Variants in EFCAB10 observed in about 807,000 individuals in gnomAD.
The protein encoded by EFCAB10 is EF-hand calcium-binding domain-containing protein 10.
In EFCAB10, 7 loss-of-function variants were observed where a neutral mutation model predicts 7.7. The ratio of observed to expected loss-of-function variants is 0.91; its 90% CI spans 0.52 to 1.72. The LOEUF (loss-of-function observed/expected upper bound fraction) is 1.72, where lower values mean the gene tolerates loss of function less well. Ranked by LOEUF, EFCAB10 falls within the 40% of genes most tolerant of loss-of-function variation. EFCAB10 has a pLI of 0.00. For synonymous variants in EFCAB10, 52 were observed against 21.0 expected (o/e 2.47, Z -4.03); for missense variants, 112 against 61.5 (o/e 1.82, Z -2.74).
At chr7:105,572,690 T>C (rs1791980406) in intron 1 of EFCAB10, 1 of 152,236 alleles carries the variant, frequency 6.6e-6, no homozygotes, top group Non-Finnish European at 1.5e-5. Context: ...ACTTGAAATC[T>C]TTCATCTTTT....
chr7:105,574,626 A>C (rs1792030442), intron 1 of EFCAB10, among the ~76,000 whole-genome samples: 1 of 151,884 alleles, frequency 6.6e-6, no homozygotes, highest in Admixed American at 6.6e-5. Flanking sequence ...CTGGGATTAC[A>C]GGCGCCCGCC....
At chr7:105,571,702 A>G (rs1791952747) in intron 1 of EFCAB10, 1 of 152,230 alleles carries the variant, frequency 6.6e-6, no homozygotes, top group African/African-American at 2.4e-5. Flanking sequence ...GTCCTTCTCT[A>G]CCACCACAAT....
chr7:105,575,403 G>A (rs577738935), intron 1 of EFCAB10, among the ~76,000 whole-genome samples: 39 of 152,180 alleles, frequency 2.6e-4, no homozygotes, highest in Admixed American at 1.7e-3. Flanking sequence ...TTGCCTCCCA[G>A]GTTCAACTGA....
rs1220266082 is a variant in EFCAB10 at position 105,565,342 on chromosome 7, T to G, written c.*105A>C. The G allele has an allele frequency of 1.9e-6, 3 of 1,614,230 alleles. No individual in the cohort carries two copies. On this transcript the variant is annotated 3_prime_UTR_variant, in exon 5 of 5. Coordinates refer to ENST00000480514, the MANE Select transcript of EFCAB10 (RefSeq NM_001355526.2). ...TCCCTGTCCAGTTCGGCTTGCCCGT[T>G]GCTGCTGACGTTACGAGACCATTTA...
intron 1 of EFCAB10, among the ~76,000 whole-genome samples, chr7:105,576,040 CA>C (rs1792069669): frequency 6.6e-6 from 1 of 151,740 alleles, no homozygotes; most frequent in African/African-American, 2.4e-5. Context: ...TCCGTCTCAA[CA>C]AAAAAAGAAA....
At chr7:105,567,729 C>T in intron 3 of EFCAB10, 1 of 454,916 alleles carries the variant, frequency 2.2e-6, no homozygotes, top group Non-Finnish European at 3.9e-6. Flanking sequence ...TGGGAATTAA[C>T]TGTATTTCCA....
chr7:105,567,659 TA>T, intron 3 of EFCAB10, 169 bp from the exon 4 acceptor site: 2 of 520,692 alleles, frequency 3.8e-6, no homozygotes, highest in East Asian at 6.0e-5. Context: ...ACATAGCCAA[TA>T]AATTTTTTTA....
intron 1 of EFCAB10, among the ~76,000 whole-genome samples, chr7:105,575,257 T>G (rs1792049556): frequency 6.6e-6 from 1 of 152,122 alleles, no homozygotes; most frequent in Non-Finnish European, 1.5e-5. Flanking sequence ...AAGATGAGAT[T>G]TGGGCGGGGA....
At chr7:105,576,011 T>G (rs1792068780) in intron 1 of EFCAB10, among the ~76,000 whole-genome samples, 1 of 152,136 alleles carries the variant, frequency 6.6e-6, no homozygotes, top group South Asian at 2.1e-4. Flanking sequence ...CACTCCAGCC[T>G]GGGCAACAAG....
chr7:105,566,840 A>G (rs938529415), intron 4 of EFCAB10: 4 of 202,542 alleles, frequency 2.0e-5, no homozygotes, highest in African/African-American at 9.2e-5. Flanking sequence ...AGTTATAGCT[A>G]TATTTAATAT....
chr7:105,574,124 GTA>G (rs4006347), intron 1 of EFCAB10, among the ~76,000 whole-genome samples: 3,680 of 148,062 alleles, frequency 0.025, 109 homozygotes, highest in African/African-American at 0.072. Context: ...CAATGTGTGT[GTA>G]TATATATATA....
At chr7:105,568,458 G>A (rs1210870303) in intron 3 of EFCAB10, among the ~76,000 whole-genome samples, 1 of 152,176 alleles carries the variant, frequency 6.6e-6, no homozygotes, top group African/African-American at 2.4e-5. Context: ...AGACTAACAT[G>A]CAGCCTATGC....
intron 3 of EFCAB10, 110 bp downstream of exon 3, chr7:105,569,093 A>C: frequency 1.5e-6 from 1 of 652,516 alleles, no homozygotes; most frequent in South Asian, 1.7e-5. Flanking sequence ...GAAAGTTTCA[A>C]GGGAACAAAA....
chr7:105,567,188 G>T, intron 4 of EFCAB10: 1 of 1,611,730 alleles, frequency 6.2e-7, no homozygotes, highest in Non-Finnish European at 8.5e-7. Flanking sequence ...ATGTACTGCA[G>T]TCAGCTTCAG....
At chr7:105,572,019 A>C (rs1174300025) in intron 1 of EFCAB10, 1 of 152,048 alleles carries the variant, frequency 6.6e-6, no homozygotes, top group Non-Finnish European at 1.5e-5. Flanking sequence ...TTTTAATTCC[A>C]TTTTTCCATG....
At position 105,567,288 on chromosome 7, in the gene EFCAB10, A is replaced by G. The variant is rs1791808390; in HGVS notation, c.383+179T>C. On this transcript the variant is annotated intron_variant, in intron 4 of 4. Transcript: ENST00000480514. ...TGAGATTCTACTTAATTTGAGGACAAATTGGCCTAATACTGGAAAATAATG... is the reference window on the plus strand; with the variant it reads ...TGAGATTCTACTTAATTTGAGGACAGATTGGCCTAATACTGGAAAATAATG... The G allele has an allele frequency of 6.2e-7, 1 of 1,606,000 alleles. No individual in the cohort carries two copies. Among genetic ancestry groups the G allele is most frequent in the South Asian group, 1.1e-5 (1 of 88,832 alleles).
intron 3 of EFCAB10, among the ~76,000 whole-genome samples, chr7:105,568,433 A>C (rs1242775418): frequency 6.6e-6 from 1 of 152,248 alleles, no homozygotes; most frequent in South Asian, 2.1e-4. Flanking sequence ...TAATATCTCA[A>C]AATCTAAAAT....
chr7:105,577,983 C>T (rs1361520327), intron 1 of EFCAB10, among the ~76,000 whole-genome samples: 1 of 152,110 alleles, frequency 6.6e-6, no homozygotes, highest in African/African-American at 2.4e-5. Context: ...AGGCTGGTCT[C>T]GAACTCCTGA....
intron 3 of EFCAB10, 197 bp from the exon 4 acceptor site, chr7:105,567,687 C>T: frequency 2.0e-6 from 1 of 510,030 alleles, no homozygotes; most frequent in Non-Finnish European, 3.4e-6. Context: ...CCTTTGAATG[C>T]ATATTTGTAA....
Sources: gnomAD v4.1 joint callset for allele counts (sites outside exome capture counted in the v4.1 genomes callset) on GRCh38, gnomAD v4.1.1 for gene constraint, MANE v1.5 for transcripts, NCBI Gene and HGNC (gene_info 2026-07-23, HGNC 2026-07-21) for gene names.